Variants in COX7B2 observed in about 807,000 individuals in gnomAD.
COX7B2 encodes the protein cytochrome c oxidase subunit 7B2, mitochondrial.
For missense variants in COX7B2, 109 were observed against 95.9 expected (o/e 1.14, Z -0.57); for synonymous variants, 37 against 32.1 (o/e 1.15, Z -0.51).
chr4:46,890,820 A>C (rs975184150), intron 1 of COX7B2, among the ~76,000 whole-genome samples: 3 of 152,230 alleles, frequency 2.0e-5, no homozygotes, highest in Non-Finnish European at 4.4e-5. Flanking sequence ...GGGAAATAGT[A>C]AGGATTTTGG....
At chr4:46,902,649 A>G (rs539128597) in intron 1 of COX7B2, among the ~76,000 whole-genome samples, 1 of 152,340 alleles carries the variant, frequency 6.6e-6, no homozygotes, top group South Asian at 2.1e-4. Context: ...AACTACATTA[A>G]TTAAATTAAA....
At chr4:46,881,755 G>A (rs1044296705) in intron 1 of COX7B2, among the ~76,000 whole-genome samples, 2 of 152,098 alleles carry the variant, frequency 1.3e-5, no homozygotes, top group Non-Finnish European at 2.9e-5. Context: ...AGGCATGTTT[G>A]CCCTAAGCAG....
intron 2 of COX7B2, among the ~76,000 whole-genome samples, chr4:46,826,957 A>T (rs1175154118): frequency 1.3e-5 from 2 of 152,154 alleles, no homozygotes; most frequent in Non-Finnish European, 2.9e-5. Flanking sequence ...CAATAACTGA[A>T]ATGTAATTCA....
At chr4:46,743,210 T>G (rs896868579) in intron 2 of COX7B2, among the ~76,000 whole-genome samples, 3 of 152,212 alleles carry the variant, frequency 2.0e-5, no homozygotes, top group Admixed American at 6.5e-5. Context: ...TATGTTATTT[T>G]GACATTACAG....
chr4:46,742,119 C>A (rs1210224660), intron 2 of COX7B2, among the ~76,000 whole-genome samples: 1 of 152,048 alleles, frequency 6.6e-6, no homozygotes, highest in Non-Finnish European at 1.5e-5. Flanking sequence ...TAGGGACCCC[C>A]TGGGAATAAG....
chr4:46,889,131 TA>T (rs1719265793), intron 1 of COX7B2, among the ~76,000 whole-genome samples: 1 of 152,170 alleles, frequency 6.6e-6, no homozygotes, highest in African/African-American at 2.4e-5. Flanking sequence ...ATTTAAATTT[TA>T]AAAATATAAT....
In COX7B2 at chr4:46,754,738, A is replaced by G. The variant is rs1327860332; in HGVS notation, c.-49-19497T>C. On this transcript the variant is annotated intron_variant, in intron 2 of 2. Transcript: ENST00000355591. ...TGTGTGTGTGTGTGTGTATATATAT[A>G]TATATATATATGAAAGAAATCCAGA... Among the ~76,000 whole-genome samples the G allele has an allele frequency of 1.0e-4, 13 of 129,584 alleles. No individual in the cohort carries two copies. The South Asian group carries it at 1.0e-3, about 10-fold the overall frequency. The allele number at this position is 129,584 out of a possible 152,430, so 85.0% of individuals were successfully genotyped here.
chr4:46,839,205 T>C (rs1715757693), intron 2 of COX7B2, among the ~76,000 whole-genome samples: 1 of 152,014 alleles, frequency 6.6e-6, no homozygotes, highest in Admixed American at 6.6e-5. Flanking sequence ...CCTCCCTCAT[T>C]GTGAATTTGT....
At chr4:46,787,186 G>GC (rs1717794487) in intron 2 of COX7B2, among the ~76,000 whole-genome samples, 1 of 152,166 alleles carries the variant, frequency 6.6e-6, no homozygotes, top group Non-Finnish European at 1.5e-5. Flanking sequence ...GGTGGCTCAC[G>GC]CCTGTAATCC....
chr4:46,853,533 ATTT>A (rs749828865), intron 1 of COX7B2, among the ~76,000 whole-genome samples: 2 of 151,122 alleles, frequency 1.3e-5, no homozygotes, highest in African/African-American at 2.4e-5. Flanking sequence ...AGTTATGTAC[ATTT>A]TTTTTTACTT....
In COX7B2 at chr4:46,862,649, T is replaced by C. The variant is rs903837966; in HGVS notation, c.-104-17635A>G. The stretch of plus-strand genomic sequence containing the variant: ...GACTAATTTAAGATTGTTGGTTCAA[T>C]AAAAACACCTGAATCTTTGGGGTTA... On this transcript the variant is annotated intron_variant, in intron 1 of 2. Coordinates refer to ENST00000355591, the MANE Select transcript of COX7B2 (RefSeq NM_130902.3). 2.6e-5 allele frequency among the ~76,000 whole-genome samples: 4 copies of C among 152,302 alleles called. No homozygotes were observed. The East Asian group carries it at 7.7e-4, about 29-fold the overall frequency.
chr4:46,860,040 T>C (rs1023486553), intron 1 of COX7B2, among the ~76,000 whole-genome samples: 3 of 152,176 alleles, frequency 2.0e-5, no homozygotes, highest in African/African-American at 7.2e-5. Flanking sequence ...GAATACTCCC[T>C]GGATGAGCCC....
At chr4:46,832,902 G>GC (rs1315180314) in intron 2 of COX7B2, among the ~76,000 whole-genome samples, 1 of 148,816 alleles carries the variant, frequency 6.7e-6, no homozygotes, top group Non-Finnish European at 1.5e-5. Context: ...TGAACTGTGA[G>GC]CCTTTTTTTT....
chr4:46,795,276 C>T (rs1402013985), intron 2 of COX7B2, among the ~76,000 whole-genome samples: 4 of 98,624 alleles, frequency 4.1e-5, no homozygotes, highest in Non-Finnish European at 5.9e-5. Context: ...TCCTTGCCCA[C>T]GCCTATGTCC....
intron 2 of COX7B2, among the ~76,000 whole-genome samples, chr4:46,843,002 G>A (rs1224304226): frequency 6.6e-6 from 1 of 152,036 alleles, no homozygotes; most frequent in Non-Finnish European, 1.5e-5. Context: ...GGTTGAACTA[G>A]CTTACAGTCC....
intron 2 of COX7B2, among the ~76,000 whole-genome samples, chr4:46,760,305 C>T (rs1212632027): frequency 1.3e-5 from 2 of 152,074 alleles, no homozygotes; most frequent in Non-Finnish European, 2.9e-5. Flanking sequence ...TTGGAACCAA[C>T]CCAAATGCCC....
At chr4:46,759,548 C>T (rs962783148) in intron 2 of COX7B2, among the ~76,000 whole-genome samples, 38 of 151,894 alleles carry the variant, frequency 2.5e-4, no homozygotes, top group African/African-American at 3.9e-4. Flanking sequence ...TATGAACAGA[C>T]GCTTCTCAAA....
At chr4:46,797,020 A>C (rs1411724890) in intron 2 of COX7B2, among the ~76,000 whole-genome samples, 3 of 92,166 alleles carry the variant, frequency 3.3e-5, no homozygotes, top group African/African-American at 5.3e-5. Context: ...TGCAGCGCAC[A>C]AGCATGGCAC....
At chr4:46,863,710 C>G (rs1019484702) in intron 1 of COX7B2, among the ~76,000 whole-genome samples, 1 of 152,144 alleles carries the variant, frequency 6.6e-6, no homozygotes, top group African/African-American at 2.4e-5. Flanking sequence ...GCTCCTGTGA[C>G]CTTTTCTCCT....
Sources: gnomAD v4.1 joint callset for allele counts (sites outside exome capture counted in the v4.1 genomes callset) on GRCh38, gnomAD v4.1.1 for gene constraint, MANE v1.5 for transcripts, NCBI Gene and HGNC (gene_info 2026-07-23, HGNC 2026-07-21) for gene names.